EYA2: variants seen among roughly 807,000 people sequenced by gnomAD.
The protein encoded by EYA2 is protein phosphatase EYA2.
A neutral mutation model predicts 69.2 loss-of-function variants in EYA2; 31 were observed. That is an observed-to-expected ratio of 0.45 (90% CI 0.34 to 0.60). The LOEUF is 0.60. Among genes scored for constraint, EYA2 ranks in the 20% least tolerant of loss-of-function variants. EYA2 has a pLI of 0.02. For synonymous variants in EYA2, 257 were observed against 279.4 expected (o/e 0.92, Z 0.80); for missense variants, 622 against 701.2 (o/e 0.89, Z 1.28).
At chr20:46,933,103 A>G (rs1985743866) in intron 1 of EYA2, among the ~76,000 whole-genome samples, 1 of 152,224 alleles carries the variant, frequency 6.6e-6, no homozygotes, top group Non-Finnish European at 1.5e-5. Context: ...GTGAGAACAG[A>G]CTAATACAAG....
At chr20:46,964,399 G>T (rs1356306598) in intron 1 of EYA2, among the ~76,000 whole-genome samples, 1 of 152,174 alleles carries the variant, frequency 6.6e-6, no homozygotes, top group Non-Finnish European at 1.5e-5. Context: ...GCAGTCACTG[G>T]GGTGTGACAA....
chr20:47,159,739 C>T (rs1294852941), intron 10 of EYA2, among the ~76,000 whole-genome samples: 1 of 152,034 alleles, frequency 6.6e-6, no homozygotes, highest in African/African-American at 2.4e-5. Flanking sequence ...CCTGGAATCC[C>T]AGCACTTTGG....
intron 10 of EYA2, chr20:47,166,859 G>C (rs2034208499): frequency 6.6e-6 from 1 of 152,388 alleles, no homozygotes; most frequent in African/African-American, 2.4e-5. Context: ...GGAAGCGGTT[G>C]GATCCAGGAT....
In EYA2 at chr20:47,185,624, C is replaced by T. The variant is rs183051591; in HGVS notation, c.1536+2233C>T. ...GCCAAATTACACTCTTTAAAGAGGG[C>T]AGGATTGGCCAGGTGGCAACCAGAA... is the stretch of plus-strand genomic sequence containing the variant. On this transcript the variant is annotated intron_variant, in intron 15 of 15. Transcript: ENST00000327619. 3.1e-3 allele frequency among the ~76,000 whole-genome samples: 465 copies of T among 152,154 alleles called. 1 individual carries two copies. Among genetic ancestry groups the T allele is most frequent in the Non-Finnish European group, 5.1e-3 (350 of 68,006 alleles).
At chr20:47,053,957 G>A (rs916136982) in intron 5 of EYA2, among the ~76,000 whole-genome samples, 2 of 151,918 alleles carry the variant, frequency 1.3e-5, no homozygotes, top group East Asian at 2.0e-4. Context: ...GAACCTTACT[G>A]AGTGACCTTG....
chr20:47,056,044 T>G (rs201086634), intron 5 of EYA2, among the ~76,000 whole-genome samples: 1 of 152,216 alleles, frequency 6.6e-6, no homozygotes, highest in East Asian at 1.9e-4. Flanking sequence ...CTATCTGAAA[T>G]GGCGTTCTCA....
At chr20:47,162,413 C>G (rs1427944571) in intron 10 of EYA2, among the ~76,000 whole-genome samples, 1 of 152,022 alleles carries the variant, frequency 6.6e-6, no homozygotes, top group East Asian at 1.9e-4. Context: ...GTTTCTATCC[C>G]TAGTCCAATA....
intron 1 of EYA2, among the ~76,000 whole-genome samples, chr20:46,932,755 G>A (rs1483460063): frequency 6.6e-5 from 10 of 152,040 alleles, no homozygotes; most frequent in African/African-American, 1.7e-4. Flanking sequence ...GCGTGGTGGC[G>A]GGTGCCTGTA....
chr20:47,147,762 G>A (rs1232988150), intron 10 of EYA2, among the ~76,000 whole-genome samples: 3 of 152,162 alleles, frequency 2.0e-5, no homozygotes, highest in African/African-American at 7.2e-5. Context: ...GGGGTTTAAA[G>A]AATGGTCCAG....
intron 10 of EYA2, chr20:47,160,772 C>T (rs1568817014): frequency 1.3e-5 from 2 of 157,000 alleles, no homozygotes; most frequent in Admixed American, 1.3e-4. Flanking sequence ...AGATTTCATC[C>T]TTGAAGCCTC....
chr20:47,092,096 GTT>G (rs1224420300), intron 8 of EYA2, among the ~76,000 whole-genome samples: 2 of 152,308 alleles, frequency 1.3e-5, no homozygotes, highest in African/African-American at 4.8e-5. Context: ...ACTTCAGCAT[GTT>G]CAGGGCATTT....
intron 5 of EYA2, among the ~76,000 whole-genome samples, chr20:47,024,708 TG>T (rs1163386427): frequency 6.6e-6 from 1 of 152,230 alleles, no homozygotes; most frequent in Non-Finnish European, 1.5e-5. Context: ...AACTCTATCC[TG>T]GGGCAATCAT....
In EYA2 at chr20:47,085,962, G is replaced by A. The variant is rs146642830; in HGVS notation, c.662-3277G>A. Reference sequence around the variant, plus strand: ...CATACGTCAAAACTTAAGAAATTGTGTACTCTAAATATGTCTAGTTTATTG... The same window carrying A: ...CATACGTCAAAACTTAAGAAATTGTATACTCTAAATATGTCTAGTTTATTG... On this transcript the variant is annotated intron_variant, in intron 7 of 15. Coordinates refer to ENST00000327619, the MANE Select transcript of EYA2 (RefSeq NM_005244.5). 2.0e-3 allele frequency among the ~76,000 whole-genome samples: 310 copies of A among 152,256 alleles called. 1 individual carries two copies. The highest frequency in any genetic ancestry group is 7.3e-3 in the African/African-American group (303 of 41,544).
chr20:47,008,468 CT>C (rs1263358887), intron 4 of EYA2, among the ~76,000 whole-genome samples: 2 of 152,274 alleles, frequency 1.3e-5, no homozygotes, highest in Admixed American at 6.5e-5. Flanking sequence ...TCTTTTCTAA[CT>C]TTTTTCCCCT....
intron 3 of EYA2, among the ~76,000 whole-genome samples, chr20:47,003,218 T>C (rs1982487994): frequency 6.6e-6 from 1 of 151,916 alleles, no homozygotes; most frequent in African/African-American, 2.4e-5. Flanking sequence ...TGTGGCGTGT[T>C]ATTAAGTCTC....
At chr20:47,022,534 G>A (rs1197290533) in intron 5 of EYA2, among the ~76,000 whole-genome samples, 2 of 151,786 alleles carry the variant, frequency 1.3e-5, no homozygotes, top group Admixed American at 6.6e-5. Flanking sequence ...GGCTGGTCTC[G>A]AACTCCTTAC....
chr20:46,971,254 T>C (rs938643952), intron 1 of EYA2, among the ~76,000 whole-genome samples: 1 of 152,216 alleles, frequency 6.6e-6, no homozygotes, highest in Non-Finnish European at 1.5e-5. Flanking sequence ...AGTTTATTTC[T>C]CTCTCATCTA....
At chr20:47,082,859 G>A (rs1325992805) in intron 7 of EYA2, among the ~76,000 whole-genome samples, 4 of 151,868 alleles carry the variant, frequency 2.6e-5, no homozygotes, top group African/African-American at 9.7e-5. Context: ...ATGCAGCACT[G>A]GCATAAAAAT....
intron 1 of EYA2, among the ~76,000 whole-genome samples, chr20:46,976,685 C>T (rs914316991): frequency 1.3e-5 from 2 of 152,126 alleles, no homozygotes; most frequent in African/African-American, 4.8e-5. Flanking sequence ...ATGCCCGGAC[C>T]CTAAGAGAGT....
Sources: allele counts gnomAD v4.1 joint callset (sites outside exome capture counted in the v4.1 genomes callset), GRCh38; gene constraint gnomAD v4.1.1; transcripts MANE v1.5; gene names NCBI Gene and HGNC (gene_info 2026-07-23, HGNC 2026-07-21).